Variants in ZFP64 observed in about 807,000 individuals in gnomAD.
The protein encoded by ZFP64 is zinc finger protein 64.
In ZFP64, 14 loss-of-function variants were observed where a neutral mutation model predicts 51.6. That is an observed-to-expected ratio of 0.27 (90% CI 0.18 to 0.42). The LOEUF is 0.42. Among genes scored for constraint, ZFP64 ranks in the 10% least tolerant of loss-of-function variants. The pLI is 1.00. For missense variants in ZFP64, 754 were observed against 906.8 expected (o/e 0.83, Z 2.16); for synonymous variants, 375 against 361.4 (o/e 1.04, Z -0.43).
At chr20:52,177,587 C>T (rs916833086) in intron 2 of ZFP64, among the ~76,000 whole-genome samples, 7 of 151,920 alleles carry the variant, frequency 4.6e-5, no homozygotes, top group African/African-American at 9.7e-5. Flanking sequence ...GCGGAGGACG[C>T]GAGGGCAAAG....
At chr20:52,188,618 A>T (rs1321456924) in intron 1 of ZFP64, among the ~76,000 whole-genome samples, 1 of 151,688 alleles carries the variant, frequency 6.6e-6, no homozygotes, top group Non-Finnish European at 1.5e-5. Context: ...CACCCGGCCG[A>T]CATTATTTCT....
intron 7 of ZFP64, among the ~76,000 whole-genome samples, chr20:52,093,009 G>A (rs1198993990): frequency 6.6e-6 from 1 of 152,104 alleles, no homozygotes; most frequent in Non-Finnish European, 1.5e-5. Flanking sequence ...CCTCTGGTTT[G>A]GACATGACGT....
In ZFP64 at chr20:52,152,820, C is replaced by A. The variant is rs774953307; in HGVS notation, c.1372G>T (p.Val458Leu). Residue 458 changes from valine to leucine, a missense_variant, in exon 6 of 6, where the codon GTG becomes TTG. Around this residue, in one of 3 missense-constraint regions of ZFP64, gnomAD observed 428 missense variants for 472.4 expected, o/e 0.91. Coordinates refer to ENST00000216923, the MANE Select transcript of ZFP64 (RefSeq NM_018197.3). ...SEYSESKNSD[V>L]TVLQFQIDPS... is the part of the protein sequence containing the mutation. Reference sequence around the variant, plus strand: ...TCGATCTGAAACTGGAGAACGGTCACGTCCGAGTTCTTACTCTCACTGTAC... The same window carrying A: ...TCGATCTGAAACTGGAGAACGGTCAAGTCCGAGTTCTTACTCTCACTGTAC... The A allele has an allele frequency of 6.2e-6, 10 of 1,613,442 alleles. No homozygotes were observed. Among genetic ancestry groups the A allele is most frequent in the Non-Finnish European group, 8.5e-6 (10 of 1,179,528 alleles).
chr20:52,138,486 A>AG (rs1235422941), intron 5 of ZFP64, among the ~76,000 whole-genome samples: 1 of 152,156 alleles, frequency 6.6e-6, no homozygotes, highest in Non-Finnish European at 1.5e-5. Context: ...TGAAAAAAAA[A>AG]TACAAAATAA....
intron 2 of ZFP64, among the ~76,000 whole-genome samples, chr20:52,180,719 T>C (rs1447023435): frequency 6.6e-6 from 1 of 152,148 alleles, no homozygotes; most frequent in Non-Finnish European, 1.5e-5. Context: ...ATGGCTTCCA[T>C]GTAGGAGCCC....
chr20:52,145,083 C>G (rs190679968), intron 5 of ZFP64, among the ~76,000 whole-genome samples: 13 of 152,256 alleles, frequency 8.5e-5, no homozygotes, highest in Admixed American at 7.2e-4. Context: ...AGAGCTCCAG[C>G]TTATTTTTAG....
rs560517891 is a variant in ZFP64 at position 52,169,994 on chromosome 20, G to A, written c.287-3969C>T. ...CTTGAACCTGGGAGGCAGAGGTTAC[G>A]GTGAGTCCAGATCATGCCATTGCAC... On this transcript the variant is annotated intron_variant, in intron 2 of 5. Coordinates refer to ENST00000216923, the MANE Select transcript of ZFP64 (RefSeq NM_018197.3). 5.1e-3 allele frequency among the ~76,000 whole-genome samples: 766 copies of A among 151,506 alleles called. 5 individuals are homozygous for A. The highest frequency in any genetic ancestry group is 0.017 in the African/African-American group (712 of 41,266).
chr20:52,159,160 A>G (rs1417930904), intron 5 of ZFP64, among the ~76,000 whole-genome samples: 1 of 152,256 alleles, frequency 6.6e-6, no homozygotes, highest in South Asian at 2.1e-4. Flanking sequence ...GACCTAAAGT[A>G]TGTTAGCAAC....
At chr20:52,135,153 T>C (rs1048479050) in intron 5 of ZFP64, among the ~76,000 whole-genome samples, 1 of 152,088 alleles carries the variant, frequency 6.6e-6, no homozygotes, top group Admixed American at 6.6e-5. Flanking sequence ...TGTGAGCCAC[T>C]GTGACTGGTC....
chr20:52,174,150 A>G (rs1466415276), intron 2 of ZFP64, among the ~76,000 whole-genome samples: 3 of 152,202 alleles, frequency 2.0e-5, no homozygotes, highest in African/African-American at 7.2e-5. Context: ...CATTTGTTTA[A>G]TTAATGATCA....
chr20:52,136,006 G>A (rs570398229), intron 5 of ZFP64, among the ~76,000 whole-genome samples: 19 of 148,120 alleles, frequency 1.3e-4, no homozygotes, highest in Non-Finnish European at 2.5e-4. Context: ...GACTGAGGCA[G>A]GAGAATTGCT....
intron 5 of ZFP64, among the ~76,000 whole-genome samples, chr20:52,156,598 A>G (rs1299753003): frequency 6.6e-6 from 1 of 152,204 alleles, no homozygotes; most frequent in Non-Finnish European, 1.5e-5. Flanking sequence ...AACCAGAAAA[A>G]GCATATTGCA....
At chr20:52,164,590 G>T in intron 4 of ZFP64, 105 bp downstream of exon 4, 1 of 953,098 alleles carries the variant, frequency 1.0e-6, no homozygotes, top group Non-Finnish European at 1.7e-6. Flanking sequence ...TCCCATAACA[G>T]CCAGTGACGT....
At chr20:52,179,688 C>T (rs1983479934) in intron 2 of ZFP64, among the ~76,000 whole-genome samples, 1 of 152,108 alleles carries the variant, frequency 6.6e-6, no homozygotes, top group Admixed American at 6.5e-5. Context: ...TGGCCAAAGA[C>T]CAATAGGGAC....
At chr20:52,097,453 ATT>A (rs11309611) in intron 6 of ZFP64, 116,326 of 1,376,408 alleles carry the variant, frequency 0.085, 98 homozygotes, top group Admixed American at 0.13. Flanking sequence ...AGAAAAATAG[ATT>A]TTTTTTTTTT....
chr20:52,097,904 AT>A (rs1399651346), intron 6 of ZFP64, among the ~76,000 whole-genome samples: 1 of 25,694 alleles, frequency 3.9e-5, no homozygotes, highest in Non-Finnish European at 5.9e-5. Context: ...CCCGCCCCCT[AT>A]TTAAAAAAAA....
downstream of ZFP64, among the ~76,000 whole-genome samples, chr20:52,150,357 G>A (rs999753698): frequency 6.6e-6 from 1 of 151,936 alleles, no homozygotes; most frequent in African/African-American, 2.4e-5. Flanking sequence ...TTATAATCAG[G>A]AAAAAATCCT....
In ZFP64 at chr20:52,191,073, C is replaced by A. The variant is rs1429091879; in HGVS notation, c.46+518G>T. Among the ~76,000 whole-genome samples the A allele has an allele frequency of 1.3e-5, 2 of 152,024 alleles. No homozygotes were observed. The highest frequency in any genetic ancestry group is 2.9e-5 in the Non-Finnish European group (2 of 67,992). On this transcript the variant is annotated intron_variant, in intron 1 of 5. Transcript: ENST00000216923. This position sits in a 1 kb window ranked among gnomAD's most constrained non-coding sequence, Gnocchi z 4.3. The stretch of plus-strand genomic sequence containing the variant: ...AACTGAACCCCAAACCCAAATAAAG[C>A]GACCACGGCCCCGTTTTCCATTCAG...
chr20:52,105,311 A>T (rs1568949852), intron 5 of ZFP64: 1 of 1,257,120 alleles, frequency 8.0e-7, no homozygotes, highest in Non-Finnish European at 1.0e-6. Context: ...GAGTTCGGAA[A>T]TTACCCCCCT....
Sources: allele counts gnomAD v4.1 joint callset (sites outside exome capture counted in the v4.1 genomes callset), GRCh38; gene constraint gnomAD v4.1.1; regional missense constraint gnomAD v4.1.1; non-coding constraint Gnocchi (gnomAD v3.1); transcripts MANE v1.5; gene names NCBI Gene and HGNC (gene_info 2026-07-23, HGNC 2026-07-21).